Variants in CELF5 observed in about 807,000 individuals in gnomAD.
The protein encoded by CELF5 is CUG-BP and ETR-3 like factor 5.
CELF5 carries 6 observed loss-of-function variants against 54.9 expected under a neutral mutation model. The ratio of observed to expected loss-of-function variants is 0.11; its 90% CI spans 0.06 to 0.22. CELF5 has a LOEUF of 0.22. CELF5 is among the 10% of genes least tolerant of loss of function. CELF5 has a pLI of 1.00. For synonymous variants in CELF5, 271 were observed against 290.9 expected, an observed-to-expected ratio of 0.93 and a Z score of 0.70; for missense variants, 401 against 678.6, an observed-to-expected ratio of 0.59 and a Z score of 4.54.
intron 1 of CELF5, among the ~76,000 whole-genome samples, chr19:3,243,195 TTG>T (rs2079516280): frequency 6.6e-6 from 1 of 152,248 alleles, no homozygotes; most frequent in South Asian, 2.1e-4. Flanking sequence ...TTTAATTTTT[TTG>T]TTTTGGGGTA....
intron 2 of CELF5, among the ~76,000 whole-genome samples, chr19:3,269,175 C>G (rs891101139): frequency 2.0e-5 from 3 of 152,102 alleles, no homozygotes; most frequent in Non-Finnish European, 4.4e-5. Context: ...TCTGGGGCTT[C>G]CACTAAATCT....
chr19:3,268,605 A>T lies in CELF5; in HGVS notation c.343-5267A>T, dbSNP rs551721688. Among the ~76,000 whole-genome samples, 178 of 152,116 alleles carry T rather than the reference A, an allele frequency of 1.2e-3. No homozygotes were observed. Among genetic ancestry groups the T allele is most frequent in the Non-Finnish European group, 2.2e-3 (151 of 67,988 alleles). ...CTGGGTTTTGCTTTCCGAGGAGTCT[A>T]CAAACCCGTGTATCATTTCCGCTGT... On this transcript the variant is annotated intron_variant, in intron 2 of 12. Coordinates refer to ENST00000292672, the MANE Select transcript of CELF5 (RefSeq NM_021938.4). This position sits in a 1 kb window ranked among gnomAD's most constrained non-coding sequence, Gnocchi z 4.4.
At chr19:3,237,931 C>T (rs931658430) in intron 1 of CELF5, among the ~76,000 whole-genome samples, 1 of 152,192 alleles carries the variant, frequency 6.6e-6, no homozygotes, top group Admixed American at 6.5e-5. Context: ...CGCCTATAGT[C>T]CCAGCTACTC....
chr19:3,264,541 G>A (rs1468374978), intron 2 of CELF5, among the ~76,000 whole-genome samples: 11 of 149,320 alleles, frequency 7.4e-5, no homozygotes, highest in Admixed American at 2.0e-4. Flanking sequence ...TCAGCCTCCC[G>A]AGTAGCTGGG....
chr19:3,225,807 A>G (rs1445006123), intron 1 of CELF5, among the ~76,000 whole-genome samples: 1 of 145,712 alleles, frequency 6.9e-6, no homozygotes, highest in Non-Finnish European at 1.5e-5. Context: ...GCTCAAGTTG[A>G]AACTGGCCGA....
In CELF5 at chr19:3,227,361, G is replaced by A. The variant is rs540495099; in HGVS notation, c.259+2363G>A. On this transcript the variant is annotated intron_variant, in intron 1 of 12. Coordinates refer to ENST00000292672, the MANE Select transcript of CELF5 (RefSeq NM_021938.4). ...AATGGGAAGTCAGGATTTTTGGGGA[G>A]AGGAGTGAGTTCAGACACCTGCCAC... Among the ~76,000 whole-genome samples, 13 of 152,318 alleles carry A rather than the reference G, an allele frequency of 8.5e-5. No individual in the cohort carries two copies. The South Asian group carries it at 2.7e-3, about 32-fold the overall frequency.
In CELF5 at chr19:3,275,566, C is replaced by T. The variant is rs989970511; in HGVS notation, c.395-290C>T. ...AGGTCATCTCCGCCTGGAGGGGGAG[C>T]AGTGGAGCAGAGACCCCAAAAGACT... is the stretch of plus-strand genomic sequence containing the variant. On this transcript the variant is annotated intron_variant, in intron 3 of 12. Coordinates refer to ENST00000292672, the MANE Select transcript of CELF5 (RefSeq NM_021938.4). The surrounding 1 kb of genome is among the most constrained non-coding windows in gnomAD (Gnocchi z 6.7). Among the ~76,000 whole-genome samples, 5 of 152,204 alleles carry T rather than the reference C, an allele frequency of 3.3e-5. No individual in the cohort carries two copies. Among genetic ancestry groups the T allele is most frequent in the Non-Finnish European group, 7.3e-5 (5 of 68,030 alleles).
chr19:3,250,785 A>G, intron 1 of CELF5, among the ~76,000 whole-genome samples, 200 bp from the exon 2 acceptor site: 1 of 152,178 alleles, frequency 6.6e-6, no homozygotes, highest in Non-Finnish European at 1.5e-5. Flanking sequence ...AGGTGCATCC[A>G]TGTTGCAGCC....
At chr19:3,225,093 T>C in intron 1 of CELF5, 95 bp downstream of exon 1, 1 of 729,718 alleles carries the variant, frequency 1.4e-6, no homozygotes, top group Non-Finnish European at 2.1e-6. Flanking sequence ...CCTCCTCTGC[T>C]CACCTCCCTC....
intron 1 of CELF5, among the ~76,000 whole-genome samples, chr19:3,234,892 C>T (rs962003244): frequency 6.6e-6 from 1 of 152,022 alleles, no homozygotes; most frequent in Admixed American, 6.6e-5. Context: ...CCCACCTTCG[C>T]GCCCCACAGT....
intron 10 of CELF5, among the ~76,000 whole-genome samples, chr19:3,289,085 T>C (rs887677047): frequency 1.2e-4 from 18 of 152,256 alleles, no homozygotes; most frequent in Non-Finnish European, 2.6e-4. Context: ...TTATTTATGG[T>C]TGGTATATTA....
chr19:3,273,862 C>T lies in CELF5; in HGVS notation c.343-10C>T. On this transcript the variant is annotated splice_polypyrimidine_tract_variant and intron_variant, in intron 2 of 12. Transcript: ENST00000292672. The stretch of plus-strand genomic sequence containing the variant: ...TAAGCTTGACTTTTCCCTTCCCCCT[C>T]TCTCTGCAGATGGCGCGGCCAATCC... 6.2e-7 allele frequency: 1 copy of T among 1,612,790 alleles called. No individual in the cohort carries two copies. Among genetic ancestry groups the T allele is most frequent in the Non-Finnish European group, 8.5e-7 (1 of 1,178,848 alleles).
chr19:3,291,257 C>G (rs934253337), intron 11 of CELF5, among the ~76,000 whole-genome samples: 2 of 151,616 alleles, frequency 1.3e-5, no homozygotes, highest in Admixed American at 6.6e-5. Flanking sequence ...CACAGCAAGA[C>G]CCTGTCTCAT....
intron 2 of CELF5, among the ~76,000 whole-genome samples, chr19:3,253,342 C>A (rs1354094493): frequency 6.6e-6 from 1 of 152,168 alleles, no homozygotes; most frequent in African/African-American, 2.4e-5. Flanking sequence ...GCTGCATGAT[C>A]CTGGCTCAGG....
intron 1 of CELF5, among the ~76,000 whole-genome samples, chr19:3,226,181 C>G (rs764698059): frequency 3.3e-5 from 5 of 152,154 alleles, no homozygotes; most frequent in Non-Finnish European, 2.9e-5. Context: ...GGGGAAGGAC[C>G]GGGGCCCATG....
intron 1 of CELF5, among the ~76,000 whole-genome samples, chr19:3,248,927 T>TTTCTTTCTTTC (rs1291133466): frequency 2.6e-4 from 22 of 83,254 alleles, no homozygotes; most frequent in African/African-American, 8.0e-4. Flanking sequence ...TCTTTCTTTC[T>TTTCTTTCTTTC]TTTCTTTTCT....
intron 1 of CELF5, among the ~76,000 whole-genome samples, chr19:3,244,357 T>C (rs964391655): frequency 1.3e-5 from 2 of 151,776 alleles, no homozygotes; most frequent in Non-Finnish European, 2.9e-5. Flanking sequence ...GTGTGTGTAG[T>C]GTGTGGTGTG....
At chr19:3,234,604 C>T (rs984009715) in intron 1 of CELF5, among the ~76,000 whole-genome samples, 14 of 152,058 alleles carry the variant, frequency 9.2e-5, no homozygotes, top group Non-Finnish European at 1.8e-4. Flanking sequence ...AAACCCTGGT[C>T]CAGGGTACAC....
At chr19:3,259,169 A>G (rs2079772881) in intron 2 of CELF5, among the ~76,000 whole-genome samples, 1 of 152,200 alleles carries the variant, frequency 6.6e-6, no homozygotes, top group Admixed American at 6.5e-5. Context: ...TTTGGAGGCC[A>G]GAACATGCCC....
Sources: allele counts gnomAD v4.1 joint callset (sites outside exome capture counted in the v4.1 genomes callset), GRCh38; gene constraint gnomAD v4.1.1; non-coding constraint Gnocchi (gnomAD v3.1); transcripts MANE v1.5; gene names NCBI Gene and HGNC (gene_info 2026-07-23, HGNC 2026-07-21).